GALNTL5: variants seen among roughly 807,000 people sequenced by gnomAD.
The protein encoded by GALNTL5 is polypeptide N-acetylgalactosaminyltransferase like 5.
In GALNTL5, 44 loss-of-function variants were observed where a neutral mutation model predicts 51.0. That is an observed-to-expected ratio of 0.86 (90% confidence interval 0.68 to 1.11). The LOEUF is 1.11. Ranked by LOEUF, GALNTL5 falls within the 50% of genes least tolerant of loss-of-function variation. The pLI is 0.00. For missense variants in GALNTL5, 528 were observed against 531.8 expected (o/e 0.99, Z 0.07); for synonymous variants, 192 against 182.8 (o/e 1.05, Z -0.41).
chr7:151,990,442 G>A (rs1047870788), intron 5 of GALNTL5, among the ~76,000 whole-genome samples: 12 of 150,948 alleles, frequency 7.9e-5, no homozygotes, highest in Non-Finnish European at 1.5e-4. Context: ...TTAGCCGGGC[G>A]TGGTGGCGGG....
intron 8 of GALNTL5, 36 bp downstream of exon 8, chr7:152,014,829 G>A (rs1176271956): frequency 5.7e-6 from 9 of 1,572,722 alleles, no homozygotes; most frequent in South Asian, 2.4e-5. Context: ...AAATGTATGC[G>A]AGGCCGGAGC....
chr7:152,010,641 G>A (rs546569571), intron 7 of GALNTL5, among the ~76,000 whole-genome samples: 85 of 151,794 alleles, frequency 5.6e-4, no homozygotes, highest in Non-Finnish European at 1.1e-3. Context: ...GGTGGTACAC[G>A]TCTGTAATCC....
rs547287980 is a variant in GALNTL5, at chr7:151,995,972, G to A, written c.659-6742G>A. 1.1e-3 allele frequency among the ~76,000 whole-genome samples: 174 copies of A among 152,218 alleles called. 1 individual carries two copies. The highest frequency in any genetic ancestry group is 4.0e-3 in the African/African-American group (165 of 41,538). ...AATTCTGATGCCATCTCAGTAGACA[G>A]CATCATCCCACCACCAGATTATGAG... On this transcript the variant is annotated intron_variant, in intron 5 of 8. Coordinates refer to ENST00000392800, the MANE Select transcript of GALNTL5 (RefSeq NM_145292.4).
intron 1 of GALNTL5, among the ~76,000 whole-genome samples, chr7:151,965,966 A>ATT (rs201476277): frequency 2.5e-4 from 38 of 152,150 alleles, no homozygotes; most frequent in African/African-American, 7.5e-4. Flanking sequence ...TAAATTCACT[A>ATT]TTATATATAT....
Position 151,990,535 on chromosome 7 carries a change from T to C in GALNTL5, c.658+3254T>C, listed in dbSNP as rs377298908. 3.8e-4 allele frequency among the ~76,000 whole-genome samples: 40 copies of C among 104,898 alleles called. 1 individual carries two copies. The highest frequency in any genetic ancestry group is 1.3e-3 in the African/African-American group (35 of 27,236). 68.8% of individuals were successfully genotyped at this position (104,898 alleles called of 152,430 possible). The stretch of plus-strand genomic sequence containing the variant: ...GGCGGAGCTTGCAGTGAGCCGAGAT[T>C]GCGCCACTGCACTCCAGCCTGGGCG... On this transcript the variant is annotated intron_variant, in intron 5 of 8. Transcript: ENST00000392800.
intron 3 of GALNTL5, among the ~76,000 whole-genome samples, chr7:151,979,106 C>CTTTTT (rs397888897): frequency 4.4e-4 from 31 of 71,148 alleles, no homozygotes; most frequent in African/African-American, 1.3e-3. Context: ...TACTTTTACT[C>CTTTTT]TTTTTTTTTT....
At chr7:152,005,198 T>G (rs1479768917) in intron 6 of GALNTL5, among the ~76,000 whole-genome samples, 1 of 148,556 alleles carries the variant, frequency 6.7e-6, no homozygotes, top group Non-Finnish European at 1.5e-5. Context: ...CCAAAAAAGC[T>G]AGGTGCAATG....
At position 151,971,053 on chromosome 7, in the gene GALNTL5, C is replaced by A. The variant is rs750284912; in HGVS notation, c.356C>A (p.Thr119Asn). The A allele has an allele frequency of 1.2e-5, 19 of 1,609,126 alleles. No individual in the cohort carries two copies. Among genetic ancestry groups the A allele is most frequent in the Middle Eastern group, 1.7e-4 (1 of 6,036 alleles). The change falls in exon 3 of 9, where the codon ACC becomes AAC. Residue 119 changes from threonine (T) to asparagine (N), a missense_variant. Transcript: ENST00000392800. ...GGCATCGAAAGAGAAGTGCCAGATA[C>A]CAGGAGTAAAATGTATGTTGTCTCT... ...SLGIEREVPDTRSKMCLQKHY... is the reference protein window; with the variant it reads ...SLGIEREVPDNRSKMCLQKHY...
intron 4 of GALNTL5, among the ~76,000 whole-genome samples, chr7:151,986,361 G>A (rs1425076695): frequency 2.0e-5 from 3 of 152,178 alleles, no homozygotes; most frequent in African/African-American, 4.8e-5. Flanking sequence ...AGGGCGAGGC[G>A]TGGTGGCTCA....
intron 1 of GALNTL5, among the ~76,000 whole-genome samples, chr7:151,961,023 A>G (rs1229901613): frequency 2.6e-5 from 4 of 152,336 alleles, no homozygotes; most frequent in African/African-American, 7.2e-5. Flanking sequence ...GACATGCCTA[A>G]GGTCAAAACC....
At chr7:152,009,463 C>T (rs779111191) in intron 7 of GALNTL5, among the ~76,000 whole-genome samples, 20 of 152,290 alleles carry the variant, frequency 1.3e-4, no homozygotes, top group Non-Finnish European at 2.5e-4. Context: ...TTCCATTGCT[C>T]AGTTGTTCTC....
At chr7:152,006,926 T>C (rs2081652296) in intron 6 of GALNTL5, among the ~76,000 whole-genome samples, 1 of 151,798 alleles carries the variant, frequency 6.6e-6, no homozygotes, top group Non-Finnish European at 1.5e-5. Flanking sequence ...GGCAACTGCA[T>C]CTGGCTAATT....
chr7:151,982,802 G>C (rs1268855036), intron 3 of GALNTL5, 184 bp from the exon 4 acceptor site: 6 of 1,277,146 alleles, frequency 4.7e-6, no homozygotes, highest in Non-Finnish European at 6.5e-6. Flanking sequence ...GAAAATATTA[G>C]AACAACATAA....
chr7:151,996,224 A>G (rs912328860), intron 5 of GALNTL5, among the ~76,000 whole-genome samples: 4 of 152,028 alleles, frequency 2.6e-5, no homozygotes, highest in Non-Finnish European at 5.9e-5. Context: ...TATTATTATT[A>G]TACTTTAAGT....
At chr7:151,965,469 A>G (rs2081047876) in intron 1 of GALNTL5, among the ~76,000 whole-genome samples, 1 of 152,232 alleles carries the variant, frequency 6.6e-6, no homozygotes, top group South Asian at 2.1e-4. Flanking sequence ...ACAATTTCAA[A>G]CAGAAGGAAA....
chr7:151,982,982 G>T lies in GALNTL5; in HGVS notation c.369-4G>T. On this transcript the variant is annotated splice_polypyrimidine_tract_variant and splice_region_variant and intron_variant, in intron 3 of 8. Transcript: ENST00000392800. ...GGTTTTCTTCATATTGCTTCTGCCT[G>T]CAGGTGTCTTCAAAAACATTACCCA... The T allele has an allele frequency of 6.2e-7, 1 of 1,614,074 alleles. No individual in the cohort carries two copies. Among genetic ancestry groups the T allele is most frequent in the Non-Finnish European group, 8.5e-7 (1 of 1,180,002 alleles).
intron 5 of GALNTL5, among the ~76,000 whole-genome samples, chr7:151,997,935 C>T (rs1343177749): frequency 6.6e-6 from 1 of 151,910 alleles, no homozygotes; most frequent in Non-Finnish European, 1.5e-5. Context: ...GGTGTGGTGG[C>T]TCATGCTTGT....
chr7:151,972,134 G>C (rs1223457015), intron 3 of GALNTL5, among the ~76,000 whole-genome samples: 2 of 152,170 alleles, frequency 1.3e-5, no homozygotes, highest in Admixed American at 1.3e-4. Context: ...GGAAGATGTG[G>C]GAAAGTTTGG....
At chr7:151,980,834 C>T (rs1424809317) in intron 3 of GALNTL5, among the ~76,000 whole-genome samples, 1 of 141,898 alleles carries the variant, frequency 7.0e-6, no homozygotes, top group Admixed American at 7.1e-5. Context: ...CAAGCTCCGC[C>T]TCCTGGGTTC....
Sources: allele counts gnomAD v4.1 joint callset (sites outside exome capture counted in the v4.1 genomes callset), GRCh38; gene constraint gnomAD v4.1.1; transcripts MANE v1.5; gene names NCBI Gene and HGNC (gene_info 2026-07-23, HGNC 2026-07-21).